The following CCDC14 variants were observed in gnomAD, a reference collection of about 807,000 sequenced individuals.
CCDC14 encodes coiled-coil domain-containing protein 14.
A neutral mutation model predicts 81.4 loss-of-function variants in CCDC14; 71 were observed. The ratio of observed to expected loss-of-function variants is 0.87; its 90% CI spans 0.72 to 1.06. The LOEUF is 1.06. CCDC14 is among the 50% of genes least tolerant of loss of function. The probability of loss-of-function intolerance (pLI) is 0.00; values close to 1 mark genes in which losing one functional copy is unlikely to be tolerated. For synonymous variants in CCDC14, 332 were observed against 364.8 expected (o/e 0.91, Z 1.03); for missense variants, 1,046 against 1,047.3 (o/e 1.00, Z 0.02).
intron 9 of CCDC14, among the ~76,000 whole-genome samples, chr3:123,937,242 A>G (rs2036104834): frequency 6.6e-6 from 1 of 152,048 alleles, no homozygotes; most frequent in Admixed American, 6.6e-5. Flanking sequence ...TATATGTTTA[A>G]TTTCTAAGAA....
chr3:123,954,198 G>C (rs2037200524), intron 5 of CCDC14: 1 of 152,074 alleles, frequency 6.6e-6, no homozygotes, highest in Non-Finnish European at 1.5e-5. Flanking sequence ...TTTCTCAGTT[G>C]GGCCCCAATA....
At chr3:123,953,475 G>A (rs995120486) in intron 5 of CCDC14, 1 of 152,230 alleles carries the variant, frequency 6.6e-6, no homozygotes, top group Non-Finnish European at 1.5e-5. Context: ...ACAATATGCT[G>A]ATGCACATAC....
rs1331041752 is a variant in CCDC14 at position 123,948,767 on chromosome 3, T to A, written c.608A>T (p.His203Leu). ...PSHSESQATP[H>L]SSYGLCTSTP... ...GGAGGTACATAAGCCATAACTAGAA[T>A]GAGGAGTTGCCTGAGATTCTGTAAG... is the stretch of plus-strand genomic sequence containing the variant. The change falls in exon 7 of 13, where the codon CAT becomes CTT. Residue 203 changes from histidine (H) to leucine (L), a missense_variant. By Grantham distance (99) the His-to-Leu change is moderately conservative (BLOSUM62 -3). Transcript: ENST00000409697. The A allele has an allele frequency of 1.3e-6, 2 of 1,597,046 alleles. No individual in the cohort carries two copies. Among genetic ancestry groups the A allele is most frequent in the Non-Finnish European group, 1.7e-6 (2 of 1,175,544 alleles).
chr3:123,899,357 A>G (rs2034135534), intron 5 of CCDC14, among the ~76,000 whole-genome samples: 1 of 152,174 alleles, frequency 6.6e-6, no homozygotes, highest in South Asian at 2.1e-4. Context: ...ACATGGTTTC[A>G]GATACCACCA....
chr3:123,918,773 A>G (rs2034860843), intron 12 of CCDC14, among the ~76,000 whole-genome samples: 1 of 152,148 alleles, frequency 6.6e-6, no homozygotes, highest in South Asian at 2.1e-4. Flanking sequence ...GAAAACAAAA[A>G]AGAGGGATAC....
chr3:123,916,047 C>T (rs942318357), intron 12 of CCDC14, among the ~76,000 whole-genome samples: 5 of 146,126 alleles, frequency 3.4e-5, no homozygotes, highest in African/African-American at 1.0e-4. Context: ...CACCCAGGCT[C>T]GAGTACAGTG....
At chr3:123,893,402 C>G (rs1174233574), downstream of CCDC14, among the ~76,000 whole-genome samples, 2 of 152,114 alleles carry the variant, frequency 1.3e-5, no homozygotes, top group African/African-American at 4.8e-5. Context: ...TAGAATATAT[C>G]AAAACTTCAT....
At chr3:123,886,092 G>GA in the CCDC14 span, among the ~76,000 whole-genome samples, 1 of 151,560 alleles carries the variant, frequency 6.6e-6, no homozygotes, top group Non-Finnish European at 1.5e-5. Flanking sequence ...TGGCCAGTAG[G>GA]AGCTTCTTCA....
chr3:123,888,131 C>T, the CCDC14 span, among the ~76,000 whole-genome samples: 1 of 151,884 alleles, frequency 6.6e-6, no homozygotes, highest in Non-Finnish European at 1.5e-5. Flanking sequence ...CTGAGTTTCT[C>T]TAATTCTGAT....
chr3:123,905,798 G>A (rs1424853427), intron 5 of CCDC14, among the ~76,000 whole-genome samples: 3 of 152,124 alleles, frequency 2.0e-5, no homozygotes, highest in Admixed American at 6.5e-5. Context: ...TATAAACTAC[G>A]TGCACAGGCT....
downstream of CCDC14, among the ~76,000 whole-genome samples, chr3:123,911,704 G>A (rs2034450276): frequency 6.6e-6 from 1 of 152,010 alleles, no homozygotes; most frequent in Non-Finnish European, 1.5e-5. Context: ...ATAGTAACTG[G>A]CACATATTAG....
chr3:123,906,238 G>A (rs2034305594), intron 5 of CCDC14, among the ~76,000 whole-genome samples: 1 of 152,262 alleles, frequency 6.6e-6, no homozygotes, highest in African/African-American at 2.4e-5. Flanking sequence ...GCTGAGGCAG[G>A]AGAATGGCGT....
the CCDC14 span, among the ~76,000 whole-genome samples, chr3:123,886,734 A>G: frequency 2.0e-5 from 3 of 152,192 alleles, no homozygotes; most frequent in Non-Finnish European, 4.4e-5. Flanking sequence ...TTAAGATAAC[A>G]ATATGAGCAC....
At chr3:123,915,781 T>G in intron 12 of CCDC14, 63 bp from the exon 13 acceptor site, 1 of 1,214,524 alleles carries the variant, frequency 8.2e-7, no homozygotes, top group Non-Finnish European at 1.1e-6. Context: ...TTCACTTATC[T>G]ATACCTCCAT....
chr3:123,928,847 T>C (rs542448419), intron 12 of CCDC14, among the ~76,000 whole-genome samples: 25 of 152,350 alleles, frequency 1.6e-4, no homozygotes, highest in Non-Finnish European at 2.6e-4. Context: ...GTCCCAGCTC[T>C]GTTATTAACA....
chr3:123,946,030 T>C (rs2036605542), intron 8 of CCDC14, among the ~76,000 whole-genome samples: 1 of 152,140 alleles, frequency 6.6e-6, no homozygotes, highest in Admixed American at 6.6e-5. Context: ...TGATTATGTA[T>C]CTGACTGTGA....
chr3:123,959,461 G>A (rs983570933), intron 1 of CCDC14, among the ~76,000 whole-genome samples: 5 of 151,712 alleles, frequency 3.3e-5, no homozygotes, highest in Admixed American at 1.3e-4. Context: ...TCCTTTTTTC[G>A]TTTTTTAACC....
chr3:123,917,920 T>C (rs1213092394), intron 12 of CCDC14, among the ~76,000 whole-genome samples: 1 of 152,144 alleles, frequency 6.6e-6, no homozygotes, highest in African/African-American at 2.4e-5. Context: ...TAATATAAGA[T>C]AGATGGACAT....
chr3:123,934,270 C>CAAAAAAAAAAAAAAAAAAAAAAAA (rs61094944), intron 9 of CCDC14, among the ~76,000 whole-genome samples: 1 of 52,288 alleles, frequency 1.9e-5, no homozygotes, highest in African/African-American at 8.4e-5. Context: ...GACTCTGCCT[C>CAAAAAAAAAAAAAAAAAAAAAAAA]AAAAAAAAAA....
Sources: gnomAD v4.1 joint callset for allele counts (sites outside exome capture counted in the v4.1 genomes callset) on GRCh38, gnomAD v4.1.1 for gene constraint, MANE v1.5 for transcripts, NCBI Gene and HGNC (gene_info 2026-07-23, HGNC 2026-07-21) for gene names.